The following RAB5A variants were observed in gnomAD, a reference collection of about 807,000 sequenced individuals.
The protein encoded by RAB5A is RAB5A, member RAS oncogene family, also known as ras-related protein Rab-5A.
A neutral mutation model predicts 25.7 loss-of-function variants in RAB5A; 8 were observed. The observed-to-expected ratio is 0.31, with a 90% CI of 0.18 to 0.56. RAB5A has a LOEUF of 0.56. RAB5A is among the 20% of genes least tolerant of loss of function. RAB5A has a pLI of 0.91. For missense variants in RAB5A, 192 were observed against 259.7 expected (o/e 0.74, Z 1.79); for synonymous variants, 98 against 89.8 (o/e 1.09, Z -0.52).
intron 2 of RAB5A, among the ~76,000 whole-genome samples, chr3:19,954,519 T>C (rs1443688437): frequency 6.6e-6 from 1 of 152,182 alleles, no homozygotes; most frequent in Non-Finnish European, 1.5e-5. Context: ...AATAACTTGA[T>C]TTACGAATTC....
At chr3:19,978,481 T>A in intron 5 of RAB5A, 78 bp downstream of exon 5, 1 of 1,074,704 alleles carries the variant, frequency 9.3e-7, no homozygotes. Flanking sequence ...CTGTCTCTTT[T>A]TTAAAAAATT....
chr3:19,983,960 A>C lies in RAB5A; in HGVS notation c.*137A>C. The C allele has an allele frequency of 1.6e-6, 1 of 638,168 alleles. No individual in the cohort carries two copies. Among genetic ancestry groups the C allele is most frequent in the Non-Finnish European group, 2.7e-6 (1 of 363,896 alleles). The allele number at this position is 638,168 out of a possible 1,614,324, so 39.5% of individuals were successfully genotyped here. The stretch of plus-strand genomic sequence containing the variant: ...AGAGTCAAGTTTCTAATACAGAATT[A>C]TTTTAAGTGTTTTGAACTTAATTTT... On this transcript the variant is annotated 3_prime_UTR_variant, in exon 6 of 6. Transcript: ENST00000273047.
Position 19,957,126 on chromosome 3 carries a change from C to G in RAB5A, c.163+6065C>G, listed in dbSNP as rs1464706072. The stretch of plus-strand genomic sequence containing the variant: ...TATTTTTTTGTAGGGACAGATCTCA[C>G]TGTTGGTGCCTAAGCTGGTCTCAAA... On this transcript the variant is annotated intron_variant, in intron 2 of 5. Coordinates refer to ENST00000273047, the MANE Select transcript of RAB5A (RefSeq NM_004162.5). Among the ~76,000 whole-genome samples the G allele has an allele frequency of 2.7e-5, 4 of 145,460 alleles. 1 individual carries two copies. In the South Asian group the frequency reaches 8.3e-4, roughly 30 times the overall value.
intron 5 of RAB5A, among the ~76,000 whole-genome samples, chr3:19,982,486 C>T (rs1696948113): frequency 6.6e-6 from 1 of 152,134 alleles, no homozygotes; most frequent in African/African-American, 2.4e-5. Context: ...CTCAAAAATG[C>T]AACTCTTATC....
chr3:19,955,892 G>A (rs967565936), intron 2 of RAB5A, among the ~76,000 whole-genome samples: 41 of 151,774 alleles, frequency 2.7e-4, no homozygotes, highest in African/African-American at 8.2e-4. Flanking sequence ...GCGAGACTCC[G>A]TCTTAAAAAA....
rs1227247758 is a variant in RAB5A, at chr3:19,953,413, T to C, written c.163+2352T>C. Reference sequence around the variant, plus strand: ...TTGCATCCAAATTTCTGTTAATCCTTTTTTTTTTTTTTTTTGGAGACAAGG... The same window carrying C: ...TTGCATCCAAATTTCTGTTAATCCTCTTTTTTTTTTTTTTTGGAGACAAGG... On this transcript the variant is annotated intron_variant, in intron 2 of 5. Transcript: ENST00000273047. 2.7e-5 allele frequency among the ~76,000 whole-genome samples: 4 copies of C among 146,412 alleles called. No homozygotes were observed. The East Asian group carries it at 7.9e-4, about 29-fold the overall frequency.
chr3:19,949,905 C>T (rs949255049), intron 1 of RAB5A, among the ~76,000 whole-genome samples: 1 of 151,788 alleles, frequency 6.6e-6, no homozygotes, highest in Non-Finnish European at 1.5e-5. Flanking sequence ...TGGCATGGTT[C>T]TGAGCGCCTG....
At chr3:19,969,991 G>A (rs1052513633) in intron 2 of RAB5A, among the ~76,000 whole-genome samples, 9 of 145,940 alleles carry the variant, frequency 6.2e-5, no homozygotes, top group African/African-American at 2.3e-4. Context: ...TAGTAGAGAC[G>A]GGTTTTCACC....
intron 2 of RAB5A, among the ~76,000 whole-genome samples, chr3:19,957,992 C>T (rs1339958127): frequency 3.9e-5 from 6 of 152,132 alleles, no homozygotes; most frequent in African/African-American, 1.4e-4. Context: ...TCTACAATTG[C>T]CCTTCACTTG....
intron 3 of RAB5A, 110 bp downstream of exon 3, chr3:19,975,862 T>C (rs1223268430): frequency 7.4e-7 from 1 of 1,350,068 alleles, no homozygotes; most frequent in Non-Finnish European, 1.0e-6. Flanking sequence ...ATGACCTTTC[T>C]GCTGAAGCTT....
intron 2 of RAB5A, among the ~76,000 whole-genome samples, chr3:19,963,897 C>T (rs537006732): frequency 1.3e-5 from 2 of 152,276 alleles, no homozygotes; most frequent in East Asian, 3.9e-4. Context: ...AGACAGGAAT[C>T]CCAAAGTGCT....
intron 5 of RAB5A, among the ~76,000 whole-genome samples, chr3:19,979,361 G>A (rs1353252341): frequency 6.7e-6 from 1 of 149,804 alleles, no homozygotes; most frequent in Non-Finnish European, 1.5e-5. Context: ...TCGGCTCACT[G>A]CAAGCTCCGC....
At position 19,984,277 on chromosome 3, in the gene RAB5A, A is replaced by G. The variant is rs1313575838; in HGVS notation, c.*454A>G. ...ATGCTTAGCCATAGTATTCAGGCAA[A>G]TGTTCATTTCTCCTGGTACCTGTAT... On this transcript the variant is annotated 3_prime_UTR_variant, in exon 6 of 6. Transcript: ENST00000273047. 2.3e-6 allele frequency: 1 copy of G among 430,078 alleles called. No individual in the cohort carries two copies. Among genetic ancestry groups the G allele is most frequent in the Non-Finnish European group, 4.5e-6 (1 of 220,138 alleles). 26.6% of individuals were successfully genotyped at this position (430,078 alleles called of 1,614,324 possible). A position where few individuals can be genotyped will look rare whatever the true frequency, so the allele number is the denominator to read the frequency against.
chr3:19,956,249 G>C (rs982516871), intron 2 of RAB5A, among the ~76,000 whole-genome samples: 1 of 152,156 alleles, frequency 6.6e-6, no homozygotes, highest in Non-Finnish European at 1.5e-5. Flanking sequence ...CACACTGGCA[G>C]ATCACGAGGT....
intron 5 of RAB5A, among the ~76,000 whole-genome samples, chr3:19,982,711 A>G (rs1410374427): frequency 1.3e-5 from 2 of 151,716 alleles, no homozygotes; most frequent in Non-Finnish European, 2.9e-5. Flanking sequence ...GCAGTAAGCC[A>G]TGATCATACC....
chr3:19,956,031 A>G (rs573636257), intron 2 of RAB5A, among the ~76,000 whole-genome samples: 1 of 152,318 alleles, frequency 6.6e-6, no homozygotes, highest in Non-Finnish European at 1.5e-5. Context: ...TCTTTAGGAA[A>G]GTATGATCCC....
At chr3:19,972,100 A>T (rs1263759984) in intron 2 of RAB5A, among the ~76,000 whole-genome samples, 1 of 151,938 alleles carries the variant, frequency 6.6e-6, no homozygotes, top group Admixed American at 6.6e-5. Context: ...TCACAAGTGA[A>T]CAATTTCCAC....
chr3:19,963,773 T>C (rs1184521652), intron 2 of RAB5A, among the ~76,000 whole-genome samples: 2 of 151,930 alleles, frequency 1.3e-5, no homozygotes, highest in African/African-American at 4.8e-5. Context: ...CCCTCCCAAG[T>C]AGATGGTACT....
intron 2 of RAB5A, among the ~76,000 whole-genome samples, chr3:19,967,138 C>T (rs1696672602): frequency 6.6e-6 from 1 of 150,488 alleles, no homozygotes; most frequent in Non-Finnish European, 1.5e-5. Context: ...TTATTCAAGT[C>T]CTTTGTCCAT....
Sources: gnomAD v4.1 joint callset for allele counts (sites outside exome capture counted in the v4.1 genomes callset) on GRCh38, gnomAD v4.1.1 for gene constraint, MANE v1.5 for transcripts, NCBI Gene and HGNC (gene_info 2026-07-23, HGNC 2026-07-21) for gene names.